The following ZC3HAV1 variants were observed in gnomAD, a reference collection of about 807,000 sequenced individuals.
ZC3HAV1 encodes zinc finger CCCH-type containing, antiviral 1, also known as zinc finger CCCH-type antiviral protein 1.
A neutral mutation model predicts 86.6 loss-of-function variants in ZC3HAV1; 41 were observed. The observed-to-expected ratio is 0.47, with a 90% CI of 0.37 to 0.61. The LOEUF is 0.61. Among genes scored for constraint, ZC3HAV1 ranks in the 20% least tolerant of loss-of-function variants. The pLI is 0.00. For synonymous variants in ZC3HAV1, 421 were observed against 432.1 expected (o/e 0.97, Z 0.32); for missense variants, 964 against 1,141.1 (o/e 0.84, Z 2.24).
intron 9 of ZC3HAV1, among the ~76,000 whole-genome samples, chr7:139,059,321 A>G (rs1031123351): frequency 1.3e-5 from 2 of 152,252 alleles, no homozygotes; most frequent in African/African-American, 2.4e-5. Context: ...TTGAATATTT[A>G]AACTACAGGA....
intron 1 of ZC3HAV1, among the ~76,000 whole-genome samples, chr7:139,100,221 AATAT>A (rs975651398): frequency 3.9e-5 from 6 of 152,086 alleles, no homozygotes; most frequent in African/African-American, 1.4e-4. Context: ...AGAGATCCAG[AATAT>A]ATAAAGAATT....
chr7:139,073,095 C>T (rs1489550327), intron 7 of ZC3HAV1, among the ~76,000 whole-genome samples: 1 of 151,984 alleles, frequency 6.6e-6, no homozygotes, highest in Non-Finnish European at 1.5e-5. Flanking sequence ...CAGGAGTTCA[C>T]GACTAGCCTG....
intron 9 of ZC3HAV1, among the ~76,000 whole-genome samples, chr7:139,056,381 T>A (rs1400730587): frequency 4.4e-5 from 1 of 22,740 alleles, no homozygotes; most frequent in African/African-American, 2.5e-4. Context: ...TTTTTATTGT[T>A]TTTTTTTTTT....
intron 1 of ZC3HAV1, among the ~76,000 whole-genome samples, chr7:139,103,470 A>C (rs1817837952): frequency 6.6e-6 from 1 of 152,128 alleles, no homozygotes; most frequent in Admixed American, 6.5e-5. Context: ...TAAGCCAAAA[A>C]AGTCTGATAA....
intron 3 of ZC3HAV1, 53 bp downstream of exon 3, chr7:139,083,727 A>C (rs1194465998): frequency 3.3e-5 from 3 of 91,780 alleles, no homozygotes; most frequent in Non-Finnish European, 5.4e-5. Flanking sequence ...ACTCTGTCTC[A>C]AAAAAAAAAA....
rs537584302 is a variant in ZC3HAV1 at position 139,069,195 on chromosome 7, C to G, written c.1873-4196G>C. ...CAAGATGTCTCATTAGACCTTTTAG[C>G]TACCATTAGTTTAATAGCCATAATG... On this transcript the variant is annotated intron_variant, in intron 7 of 12. Transcript: ENST00000242351. 5.9e-4 allele frequency among the ~76,000 whole-genome samples: 90 copies of G among 152,290 alleles called. 1 individual carries two copies. The highest frequency in any genetic ancestry group is 7.4e-4 in the Non-Finnish European group (50 of 68,014).
intron 7 of ZC3HAV1, among the ~76,000 whole-genome samples, chr7:139,068,932 C>T (rs896036127): frequency 6.6e-6 from 1 of 152,210 alleles, no homozygotes; most frequent in Non-Finnish European, 1.5e-5. Context: ...CAAGAGGTCA[C>T]ACAACTGACT....
chr7:139,043,567 G>T lies in ZC3HAV1; in HGVS notation c.*4027C>A, dbSNP rs1815878059. 1 of 152,164 alleles carries T rather than the reference G, an allele frequency of 6.6e-6. No individual in the cohort carries two copies. Among genetic ancestry groups the T allele is most frequent in the Non-Finnish European group, 1.5e-5 (1 of 68,030 alleles). 9.4% of individuals were successfully genotyped at this position (152,164 alleles called of 1,614,324 possible). A position where few individuals can be genotyped will look rare whatever the true frequency, so the allele number is the denominator to read the frequency against. On this transcript the variant is annotated 3_prime_UTR_variant, in exon 13 of 13. Transcript: ENST00000242351. ...CAGTTCAAATTAAGCTTGAAGAACAGGAAGCAATACAACTCAACTATTGAA... is the reference window on the plus strand; with the variant it reads ...CAGTTCAAATTAAGCTTGAAGAACATGAAGCAATACAACTCAACTATTGAA...
intron 1 of ZC3HAV1, among the ~76,000 whole-genome samples, chr7:139,100,512 C>CTGGA (rs997265463): frequency 1.3e-5 from 2 of 151,852 alleles, no homozygotes; most frequent in Admixed American, 6.6e-5. Context: ...CCAGCCTGGG[C>CTGGA]GACAGACCGA....
intron 12 of ZC3HAV1, among the ~76,000 whole-genome samples, chr7:139,050,184 T>C (rs1209696032): frequency 6.6e-6 from 1 of 152,262 alleles, no homozygotes; most frequent in Non-Finnish European, 1.5e-5. Context: ...GTTCACTTTG[T>C]TAATTGTTTC....
chr7:139,059,846 G>A (rs892996863), intron 9 of ZC3HAV1, among the ~76,000 whole-genome samples: 1 of 152,082 alleles, frequency 6.6e-6, no homozygotes, highest in Non-Finnish European at 1.5e-5. Context: ...AATAACCAGA[G>A]CAGTTAACAT....
intron 8 of ZC3HAV1, among the ~76,000 whole-genome samples, chr7:139,062,530 C>T (rs1816474235): frequency 6.6e-6 from 1 of 152,194 alleles, no homozygotes; most frequent in African/African-American, 2.4e-5. Flanking sequence ...TTTTCTCCAC[C>T]GTTTCATTTT....
At chr7:139,078,511 CA>C in intron 5 of ZC3HAV1, 40 bp downstream of exon 5, 3 of 1,490,690 alleles carry the variant, frequency 2.0e-6, no homozygotes, top group Admixed American at 2.1e-5. Flanking sequence ...TTACAATGGC[CA>C]AAAGGTGGAA....
chr7:139,047,713 A>G lies in ZC3HAV1; in HGVS notation c.2590T>C (p.Phe864Leu). ...NITYTSPPPQ[F>L]DSCVDTRSNP... ...GATCTGGTATCCACACAGCTGTCGA[A>G]CTGTGGAGGAGGGCTCGTGTACGTT... The change falls in exon 13 of 13, where the codon TTC becomes CTC. Residue 864 changes from phenylalanine (F) to leucine (L), a missense_variant. Coordinates refer to ENST00000242351, the MANE Select transcript of ZC3HAV1 (RefSeq NM_020119.4). 6.2e-7 allele frequency: 1 copy of G among 1,614,146 alleles called. No homozygotes were observed. Among genetic ancestry groups the G allele is most frequent in the Non-Finnish European group, 8.5e-7 (1 of 1,180,022 alleles).
At chr7:139,047,959 A>G in intron 12 of ZC3HAV1, 106 bp from the exon 13 acceptor site, 1 of 1,133,612 alleles carries the variant, frequency 8.8e-7, no homozygotes, top group South Asian at 1.5e-5. Flanking sequence ...GCATATGTCA[A>G]TAATACCTTA....
At chr7:139,060,788 G>A in intron 9 of ZC3HAV1, 3 of 1,356,294 alleles carry the variant, frequency 2.2e-6, no homozygotes, top group South Asian at 1.4e-5. Flanking sequence ...CTAAAGCCCA[G>A]AGTATTTAGG....
chr7:139,061,177 G>T (rs1816432243), intron 8 of ZC3HAV1, 39 bp from the exon 9 acceptor site: 2 of 1,591,162 alleles, frequency 1.3e-6, no homozygotes, highest in African/African-American at 1.3e-5. Context: ...TGAGAATCAA[G>T]ATCAGCCCTA....
chr7:139,051,531 T>G (rs781772107), intron 12 of ZC3HAV1, among the ~76,000 whole-genome samples: 8 of 151,898 alleles, frequency 5.3e-5, no homozygotes, highest in Non-Finnish European at 1.0e-4. Context: ...CTCACCCTGC[T>G]GAGTAGATGG....
chr7:139,079,423 A>G (rs780274025), intron 4 of ZC3HAV1, 47 bp downstream of exon 4: 8 of 1,613,750 alleles, frequency 5.0e-6, no homozygotes, highest in Admixed American at 3.3e-5. Context: ...CATTTGGTAT[A>G]TCATGAACAA....
Sources: gnomAD v4.1 joint callset for allele counts (sites outside exome capture counted in the v4.1 genomes callset) on GRCh38, gnomAD v4.1.1 for gene constraint, MANE v1.5 for transcripts, NCBI Gene and HGNC (gene_info 2026-07-23, HGNC 2026-07-21) for gene names.